The following TMEM178B variants were observed in gnomAD, a reference collection of about 807,000 sequenced individuals.
TMEM178B encodes the protein transmembrane protein 178B.
In TMEM178B, 5 loss-of-function variants were observed where a neutral mutation model predicts 31.0. The observed-to-expected ratio is 0.16, with a 90% CI of 0.08 to 0.34. TMEM178B has a LOEUF of 0.34. TMEM178B is among the 10% of genes least tolerant of loss of function. The pLI, the probability that TMEM178B is intolerant of heterozygous loss-of-function variation, is 1.00. For synonymous variants in TMEM178B, 164 were observed against 164.0 expected (o/e 1.00, Z 0.00); for missense variants, 275 against 400.3 (o/e 0.69, Z 2.67).
At chr7:141,451,405 GT>G (rs1212667595) in intron 3 of TMEM178B, among the ~76,000 whole-genome samples, 1 of 152,180 alleles carries the variant, frequency 6.6e-6, no homozygotes, top group East Asian at 1.9e-4. Context: ...CTTCTTTGCA[GT>G]TCCTAGTACT....
rs144119265 is a variant in TMEM178B, at chr7:141,123,392, G to A, written c.382+48700G>A. 2.6e-3 allele frequency among the ~76,000 whole-genome samples: 398 copies of A among 152,336 alleles called. 1 individual carries two copies. Among genetic ancestry groups the A allele is most frequent in the African/African-American group, 9.0e-3 (375 of 41,580 alleles). The stretch of plus-strand genomic sequence containing the variant: ...TTTCCATGTCCTGCAGTAGATGTAG[G>A]AAACAACAGGAACAAGAGTGTCTTC... On this transcript the variant is annotated intron_variant, in intron 1 of 3. Transcript: ENST00000565468.
intron 1 of TMEM178B, among the ~76,000 whole-genome samples, chr7:141,128,446 CTCA>C (rs1477143136): frequency 1.3e-5 from 2 of 152,092 alleles, no homozygotes; most frequent in East Asian, 3.9e-4. Flanking sequence ...CTTACGTGTC[CTCA>C]TTTTTGCTAC....
Position 141,094,210 on chromosome 7 carries a change from A to G in TMEM178B, c.382+19518A>G, listed in dbSNP as rs577468154. 4.6e-5 allele frequency among the ~76,000 whole-genome samples: 7 copies of G among 152,318 alleles called. No homozygotes were observed. In the South Asian group the frequency reaches 1.5e-3, roughly 32 times the overall value. ...AGATGGAAGGAAATGAACATGGCCCAGGAAGAAACACATGTTTTAGGTGAG... is the reference window on the plus strand; with the variant it reads ...AGATGGAAGGAAATGAACATGGCCCGGGAAGAAACACATGTTTTAGGTGAG... On this transcript the variant is annotated intron_variant, in intron 1 of 3. Transcript: ENST00000565468.
At chr7:141,162,126 TC>T (rs1322882139) in intron 1 of TMEM178B, among the ~76,000 whole-genome samples, 3 of 152,112 alleles carry the variant, frequency 2.0e-5, no homozygotes, top group Non-Finnish European at 4.4e-5. Flanking sequence ...CCCCTAGGAT[TC>T]CCCGTTTCCC....
chr7:141,421,269 T>G (rs115483563), intron 2 of TMEM178B, among the ~76,000 whole-genome samples: 4,270 of 152,270 alleles, frequency 0.028, 198 homozygotes, highest in African/African-American at 0.093. Flanking sequence ...AAAGATTTTT[T>G]GGGGGAAAAA....
At chr7:141,445,062 G>T (rs538592102) in intron 3 of TMEM178B, among the ~76,000 whole-genome samples, 22 of 152,216 alleles carry the variant, frequency 1.4e-4, no homozygotes, top group Non-Finnish European at 2.6e-4. Flanking sequence ...TACCACCTGT[G>T]ATCAGTGTGA....
chr7:141,413,571 C>T (rs552150387), intron 2 of TMEM178B, among the ~76,000 whole-genome samples: 2 of 152,288 alleles, frequency 1.3e-5, no homozygotes, highest in South Asian at 4.1e-4. Flanking sequence ...GGTCATTTTC[C>T]TCTAAGTCAA....
intron 2 of TMEM178B, among the ~76,000 whole-genome samples, chr7:141,264,160 G>A (rs2116366336): frequency 6.6e-6 from 1 of 152,314 alleles, no homozygotes; most frequent in East Asian, 1.9e-4. Context: ...TTCAGCTGGA[G>A]GTTGAGCTGA....
At chr7:141,215,285 T>C (rs1268911164) in intron 2 of TMEM178B, among the ~76,000 whole-genome samples, 1 of 151,856 alleles carries the variant, frequency 6.6e-6, no homozygotes, top group Admixed American at 6.6e-5. Context: ...GGAATCAAGT[T>C]AATTCTTTTC....
chr7:141,427,671 A>G (rs1188335921), intron 2 of TMEM178B, among the ~76,000 whole-genome samples: 8 of 152,214 alleles, frequency 5.3e-5, no homozygotes, highest in African/African-American at 1.9e-4. Flanking sequence ...ATGAGACCTC[A>G]AAAGCACAGG....
At chr7:141,187,404 G>A (rs1451967093) in intron 1 of TMEM178B, among the ~76,000 whole-genome samples, 3 of 151,996 alleles carry the variant, frequency 2.0e-5, no homozygotes, top group South Asian at 2.1e-4. Context: ...ATAAACATAC[G>A]TGTGCATGTG....
chr7:141,255,370 CTT>C (rs1041521610), intron 2 of TMEM178B, among the ~76,000 whole-genome samples: 5 of 152,156 alleles, frequency 3.3e-5, no homozygotes, highest in Non-Finnish European at 7.3e-5. Context: ...TTATTAAAGA[CTT>C]TGCTCAGAGG....
At chr7:141,093,976 G>T (rs1229695232) in intron 1 of TMEM178B, among the ~76,000 whole-genome samples, 1 of 152,168 alleles carries the variant, frequency 6.6e-6, no homozygotes, top group East Asian at 1.9e-4. Flanking sequence ...TATAAAGAAA[G>T]AAATGGTAAC....
chr7:141,429,388 C>A (rs2116666439), intron 2 of TMEM178B, among the ~76,000 whole-genome samples: 1 of 152,070 alleles, frequency 6.6e-6, no homozygotes, highest in South Asian at 2.1e-4. Context: ...GAAATCCTGC[C>A]ATTTGCAACA....
At chr7:141,397,029 G>A (rs1182578416) in intron 2 of TMEM178B, among the ~76,000 whole-genome samples, 2 of 152,152 alleles carry the variant, frequency 1.3e-5, no homozygotes, top group East Asian at 1.9e-4. Context: ...GGAGGGAAAC[G>A]AGATGTGGGA....
chr7:141,153,769 T>C lies in TMEM178B; in HGVS notation c.383-58822T>C, dbSNP rs146784136. On this transcript the variant is annotated intron_variant, in intron 1 of 3. Transcript: ENST00000565468. ...TATTAGAATGTTTATCTTTTTCATA[T>C]TGATTTGGATGAGCTCTTTATATAA... Among the ~76,000 whole-genome samples the C allele has an allele frequency of 2.8e-3, 423 of 152,358 alleles. 6 individuals carry two copies. Among genetic ancestry groups the C allele is most frequent in the African/African-American group, 9.5e-3 (396 of 41,590 alleles).
At chr7:141,114,827 T>TA (rs1002718052) in intron 1 of TMEM178B, among the ~76,000 whole-genome samples, 1 of 152,240 alleles carries the variant, frequency 6.6e-6, no homozygotes, top group Non-Finnish European at 1.5e-5. Flanking sequence ...TGTAGTAAGA[T>TA]ATTTTCCCTG....
At chr7:141,184,852 A>G (rs974036472) in intron 1 of TMEM178B, among the ~76,000 whole-genome samples, 1 of 152,204 alleles carries the variant, frequency 6.6e-6, no homozygotes, top group Non-Finnish European at 1.5e-5. Context: ...GGTACAAATA[A>G]ACTTCTGGAA....
At chr7:141,240,471 T>C (rs1458196591) in intron 2 of TMEM178B, among the ~76,000 whole-genome samples, 3 of 152,272 alleles carry the variant, frequency 2.0e-5, no homozygotes, top group Non-Finnish European at 4.4e-5. Flanking sequence ...AAAAGTAGAA[T>C]ATTCTTGTCT....
Sources: allele counts gnomAD v4.1 joint callset (sites outside exome capture counted in the v4.1 genomes callset), GRCh38; gene constraint gnomAD v4.1.1; transcripts MANE v1.5; gene names NCBI Gene and HGNC (gene_info 2026-07-23, HGNC 2026-07-21).